Variants in GJD2 observed in about 807,000 individuals in gnomAD.
GJD2 encodes gap junction protein delta 2.
GJD2 carries 12 observed loss-of-function variants against 24.3 expected under a neutral mutation model. The observed-to-expected ratio is 0.49, with a 90% CI of 0.32 to 0.80. The LOEUF is 0.80. Ranked by LOEUF, GJD2 falls within the 30% of genes least tolerant of loss-of-function variation. GJD2 has a pLI of 0.04. For missense variants in GJD2, 268 were observed against 402.4 expected (o/e 0.67, Z 2.86); for synonymous variants, 171 against 155.2 (o/e 1.10, Z -0.76).
rs1239332621 is a variant in GJD2, at chr15:34,752,333, T to C, written c.*145A>G. The C allele has an allele frequency of 2.5e-5, 17 of 693,524 alleles. No homozygotes were observed. Among genetic ancestry groups the C allele is most frequent in the East Asian group, 5.5e-5 (2 of 36,692 alleles). 43.0% of individuals were successfully genotyped at this position (693,524 alleles called of 1,614,324 possible). On this transcript the variant is annotated 3_prime_UTR_variant, in exon 2 of 2. Transcript: ENST00000290374. ...TGGGTCCACTTTTCCTCCTTTCCCA[T>C]TGGTGCAAAATCTTCTTTTATCCAG...
In GJD2 at chr15:34,754,689, T is replaced by G; in HGVS notation, c.-201A>C. ...AAATGGGGAAAGAAATCCAAGCGCGTCCCGACCGATGGGGCAGTTGGCGCG... is the reference window on the plus strand; with the variant it reads ...AAATGGGGAAAGAAATCCAAGCGCGGCCCGACCGATGGGGCAGTTGGCGCG... On this transcript the variant is annotated 5_prime_UTR_variant, in exon 1 of 2. Transcript: ENST00000290374. The surrounding 1 kb of genome is among the most constrained non-coding windows in gnomAD (Gnocchi z 5.9). 38 of 544,708 alleles carry G rather than the reference T, an allele frequency of 7.0e-5. No individual in the cohort carries two copies. The highest frequency in any genetic ancestry group is 1.3e-4 in the East Asian group (4 of 30,628). The allele number at this position is 544,708 out of a possible 1,614,324, so 33.7% of individuals were successfully genotyped here. A position where few individuals can be genotyped will look rare whatever the true frequency, so the allele number is the denominator to read the frequency against.
At position 34,751,280 on chromosome 15, in the gene GJD2, G is replaced by T. The variant is rs1250364168; in HGVS notation, c.*1198C>A. 6.6e-6 allele frequency: 1 copy of T among 152,174 alleles called. No individual in the cohort carries two copies. Among genetic ancestry groups the T allele is most frequent in the African/African-American group, 2.4e-5 (1 of 41,444 alleles). 9.4% of individuals were successfully genotyped at this position (152,174 alleles called of 1,614,324 possible). On this transcript the variant is annotated 3_prime_UTR_variant, in exon 2 of 2. Coordinates refer to ENST00000290374, the MANE Select transcript of GJD2 (RefSeq NM_020660.3). ...AACATATTGACAGTCCAATGCAATA[G>T]GTTTTTGAACCTTTGGTATATGTCT...
rs1249517055 is a variant in GJD2, at chr15:34,752,097, C to G, written c.*381G>C. 4.7e-6 allele frequency: 1 copy of G among 211,790 alleles called. No homozygotes were observed. Among genetic ancestry groups the G allele is most frequent in the African/African-American group, 2.3e-5 (1 of 44,162 alleles). 13.1% of individuals were successfully genotyped at this position (211,790 alleles called of 1,614,324 possible). A position where few individuals can be genotyped will look rare whatever the true frequency, so the allele number is the denominator to read the frequency against. ...GATAAAGGGATGGGTTGAGATAGGT[C>G]ACAAATTTTATATCAATGAAGTACT... On this transcript the variant is annotated 3_prime_UTR_variant, in exon 2 of 2. Transcript: ENST00000290374.
In GJD2 at chr15:34,753,282, C is replaced by G; in HGVS notation, c.162G>C (p.Val54=). The G allele has an allele frequency of 9.3e-6, 15 of 1,614,034 alleles. No homozygotes were observed. Among genetic ancestry groups the G allele is most frequent in the Non-Finnish European group, 1.2e-5 (14 of 1,180,020 alleles). The part of the protein sequence containing the change: ...TVYDDEQTMF[V]CNTLQPGCNQ... ...TACAGCCGGGCTGCAGGGTGTTGCA[C>G]ACAAACATGGTCTGCTCATCATCGT... The change falls in exon 2 of 2, where the codon GTG becomes GTC. Residue 54 remains valine (V), a synonymous_variant. Transcript: ENST00000290374.
chr15:34,754,858 C>A lies in GJD2; in HGVS notation c.-370G>T, dbSNP rs545417175. 391 of 206,244 alleles carry A rather than the reference C, an allele frequency of 1.9e-3. 7 individuals carry two copies. In the Admixed American group the frequency reaches 0.021, roughly 11 times the overall value. The allele number at this position is 206,244 out of a possible 1,614,324, so 12.8% of individuals were successfully genotyped here. A position where few individuals can be genotyped will look rare whatever the true frequency, so the allele number is the denominator to read the frequency against. The stretch of plus-strand genomic sequence containing the variant: ...CCAGGAGAAGTCTCAGCGCCGCTCT[C>A]CGCCGCAGGTTGGGGGCCAGGGGAG... On this transcript the variant is annotated 5_prime_UTR_variant, in exon 1 of 2. Coordinates refer to ENST00000290374, the MANE Select transcript of GJD2 (RefSeq NM_020660.3). This position sits in a 1 kb window ranked among gnomAD's most constrained non-coding sequence, Gnocchi z 5.9.
chr15:34,752,479 C>T lies in GJD2; in HGVS notation c.965G>A (p.Ter322=). The part of the protein sequence containing the change: ...RTQSSDSAYV[*] Reference sequence around the variant, plus strand: ...CAGACCTTCATGAAACCTGCCCTCTCACACATAGGCAGAGTCACTGGACTG... The same window carrying T: ...CAGACCTTCATGAAACCTGCCCTCTTACACATAGGCAGAGTCACTGGACTG... The change falls in exon 2 of 2, where the codon TGA becomes TAA. Residue 322 remains the stop codon, a stop_retained_variant. Transcript: ENST00000290374. 6.2e-7 allele frequency: 1 copy of T among 1,612,026 alleles called. No homozygotes were observed.
In GJD2 at chr15:34,752,564, T is replaced by C; in HGVS notation, c.880A>G (p.Ile294Val). Reference sequence around the variant, plus strand: ...AGGTCCTTGTTACGAATCTCATAGATTGACTTTCTCTTGGCCTGAGCCCCT... The same window carrying C: ...AGGTCCTTGTTACGAATCTCATAGACTGACTTTCTCTTGGCCTGAGCCCCT... ...VRGAQAKRKS[I>V]YEIRNKDLPR... Residue 294 changes from isoleucine (I) to valine (V), a missense_variant, in exon 2 of 2, where the codon ATC becomes GTC. Physicochemically the swap from Ile to Val is conservative, Grantham distance 29 (BLOSUM62 3). This residue lies in a region of GJD2 where 115 missense variants were observed against 195.2 expected (regional missense o/e 0.59). Transcript: ENST00000290374. 8 of 1,614,230 alleles carry C rather than the reference T, an allele frequency of 5.0e-6. No individual in the cohort carries two copies. The highest frequency in any genetic ancestry group is 6.8e-6 in the Non-Finnish European group (8 of 1,180,038).
rs1197884502 is a variant in GJD2 at position 34,753,415 on chromosome 15, C to T, written c.72-43G>A. 12 of 1,532,784 alleles carry T rather than the reference C, an allele frequency of 7.8e-6. 1 individual carries two copies. The highest frequency in any genetic ancestry group is 1.2e-5 in the South Asian group (1 of 82,190). 94.9% of individuals were successfully genotyped at this position (1,532,784 alleles called of 1,614,324 possible). ...GAGGGAGAGAGGTTCTCACGGGCTG[C>T]GTCACTGACAGGAAACCCCTGCTCC... On this transcript the variant is annotated intron_variant, in intron 1 of 1. Transcript: ENST00000290374.
rs1396002453 is a variant in GJD2, at chr15:34,754,195, G to GT, written c.71+222_71+223insA. 1.3e-5 allele frequency among the ~76,000 whole-genome samples: 2 copies of GT among 152,212 alleles called. No homozygotes were observed. Among genetic ancestry groups the GT allele is most frequent in the African/African-American group, 4.8e-5 (2 of 41,454 alleles). ...GAGTGAAGCCCCAGTGGTGCTTGAT[G>GT]GGGAAGGGATGGGCAGCTGGTTAGG... On this transcript the variant is annotated intron_variant, in intron 1 of 1. Transcript: ENST00000290374. This position sits in a 1 kb window ranked among gnomAD's most constrained non-coding sequence, Gnocchi z 5.9.
Position 34,752,415 on chromosome 15 carries a change from T to C in GJD2, c.*63A>G, listed in dbSNP as rs201852436. 86 of 1,370,024 alleles carry C rather than the reference T, an allele frequency of 6.3e-5. No individual in the cohort carries two copies. Among genetic ancestry groups the C allele is most frequent in the Non-Finnish European group, 8.4e-5 (82 of 980,278 alleles). 84.9% of individuals were successfully genotyped at this position (1,370,024 alleles called of 1,614,324 possible). On this transcript the variant is annotated 3_prime_UTR_variant, in exon 2 of 2. Coordinates refer to ENST00000290374, the MANE Select transcript of GJD2 (RefSeq NM_020660.3). ...ATAAATGAGGGTGGATACAGCCACG[T>C]CTGAGCAGTCATCTGCCTTGGGGCT...
intron 1 of GJD2, 97 bp from the exon 2 acceptor site, chr15:34,753,469 C>G: frequency 8.8e-7 from 1 of 1,136,292 alleles, no homozygotes. Context: ...GTTTACCAGT[C>G]TTTTGACTGG....
Position 34,754,481 on chromosome 15 carries a change from T to G in GJD2, c.8A>C (p.Glu3Ala). Residue 3 changes from glutamate to alanine, a missense_variant, in exon 1 of 2, where the codon GAA becomes GCA. Coordinates refer to ENST00000290374, the MANE Select transcript of GJD2 (RefSeq NM_020660.3). This position sits in a 1 kb window ranked among gnomAD's most constrained non-coding sequence, Gnocchi z 5.9. Reference sequence around the variant, plus strand: ...TAGCAGCCTCTCCAAGATGGTCCATTCCCCCATCGCTGTGCATCCGGAGGC... The same window carrying G: ...TAGCAGCCTCTCCAAGATGGTCCATGCCCCCATCGCTGTGCATCCGGAGGC... The part of the protein sequence containing the change: MG[E>A]WTILERLLEA... 1 of 1,613,470 alleles carries G rather than the reference T, an allele frequency of 6.2e-7. No individual in the cohort carries two copies. Among genetic ancestry groups the G allele is most frequent in the Non-Finnish European group, 8.5e-7 (1 of 1,179,596 alleles).
At position 34,752,571 on chromosome 15, in the gene GJD2, T is replaced by C. The variant is rs767065723; in HGVS notation, c.873A>G (p.Arg291=). 3 of 1,614,192 alleles carry C rather than the reference T, an allele frequency of 1.9e-6. No individual in the cohort carries two copies. Among genetic ancestry groups the C allele is most frequent in the Non-Finnish European group, 2.5e-6 (3 of 1,180,022 alleles). Residue 291 remains arginine, a synonymous_variant, in exon 2 of 2, where the codon AGA becomes AGG. Coordinates refer to ENST00000290374, the MANE Select transcript of GJD2 (RefSeq NM_020660.3). ...KLAVRGAQAK[R]KSIYEIRNKD... is the part of the protein sequence containing the mutation. ...TGTTACGAATCTCATAGATTGACTT[T>C]CTCTTGGCCTGAGCCCCTCGCACAG... is the stretch of plus-strand genomic sequence containing the variant.
At chr15:34,753,591 C>G (rs994392026) in intron 1 of GJD2, among the ~76,000 whole-genome samples, 15 of 152,066 alleles carry the variant, frequency 9.9e-5, no homozygotes, top group Non-Finnish European at 1.8e-4. Flanking sequence ...ATAGAGATCC[C>G]AGGTACACAC....
chr15:34,753,856 T>C (rs1891146747), intron 1 of GJD2, among the ~76,000 whole-genome samples: 1 of 76,550 alleles, frequency 1.3e-5, no homozygotes, highest in African/African-American at 4.7e-5. Flanking sequence ...TATATATTCA[T>C]ATATATTGAA....
rs1891106034 is a variant in GJD2, at chr15:34,751,772, G to A, written c.*706C>T. The A allele has an allele frequency of 7.0e-6, 1 of 143,846 alleles. No individual in the cohort carries two copies. Among genetic ancestry groups the A allele is most frequent in the East Asian group, 2.1e-4 (1 of 4,680 alleles). The allele number at this position is 143,846 out of a possible 1,614,324, so 8.9% of individuals were successfully genotyped here. ...CCCATCCCTAGTAAACAGCACCAGT[G>A]CAGTTTGAGTTAGAAAACTGGAAAT... On this transcript the variant is annotated 3_prime_UTR_variant, in exon 2 of 2. Coordinates refer to ENST00000290374, the MANE Select transcript of GJD2 (RefSeq NM_020660.3).
chr15:34,752,680 A>G lies in GJD2; in HGVS notation c.764T>C (p.Val255Ala). The G allele has an allele frequency of 6.2e-7, 1 of 1,614,162 alleles. No homozygotes were observed. Among genetic ancestry groups the G allele is most frequent in the Non-Finnish European group, 8.5e-7 (1 of 1,180,008 alleles). ...SRPTEKTVFLVFMFAVSGICV... is the reference protein window; with the variant it reads ...SRPTEKTVFLAFMFAVSGICV... The stretch of plus-strand genomic sequence containing the variant: ...GATGCCACTTACAGCAAACATGAAC[A>G]CTAGAAAGACAGTCTTCTCAGTTGG... Residue 255 changes from valine (V) to alanine (A), a missense_variant, in exon 2 of 2, where the codon GTG becomes GCG. Val to Ala is a moderately conservative substitution (Grantham distance 64). Transcript: ENST00000290374.
chr15:34,754,540 C>G lies in GJD2; in HGVS notation c.-52G>C. The G allele has an allele frequency of 6.9e-7, 1 of 1,457,200 alleles. No homozygotes were observed. The highest frequency in any genetic ancestry group is 9.6e-7 in the Non-Finnish European group (1 of 1,037,338). The allele number at this position is 1,457,200 out of a possible 1,614,324, so 90.3% of individuals were successfully genotyped here. A position where few individuals can be genotyped will look rare whatever the true frequency, so the allele number is the denominator to read the frequency against. ...AAGACTGGGCAGCACCGGGCACGTTCCCGCTCCTGGCCCCTCCCCGGGCCG... is the reference window on the plus strand; with the variant it reads ...AAGACTGGGCAGCACCGGGCACGTTGCCGCTCCTGGCCCCTCCCCGGGCCG... On this transcript the variant is annotated 5_prime_UTR_variant, in exon 1 of 2. Transcript: ENST00000290374. The surrounding 1 kb of genome is among the most constrained non-coding windows in gnomAD (Gnocchi z 5.9).
In GJD2 at chr15:34,752,829, G is replaced by C. The variant is rs560333666; in HGVS notation, c.615C>G (p.Phe205Leu). ...GGAACCCAATTTCCAGGGCATTTCG[G>C]AACACCACTTGGATAATGTAGAAGC... ...ISRFYIIQVV[F>L]RNALEIGFLV... The change falls in exon 2 of 2, where the codon TTC becomes TTG. Residue 205 changes from phenylalanine (F) to leucine (L), a missense_variant. By Grantham distance (22) the Phe-to-Leu change is conservative. This residue lies in a region of GJD2 where 115 missense variants were observed against 195.2 expected (regional missense o/e 0.59). Transcript: ENST00000290374. The C allele has an allele frequency of 1.9e-5, 31 of 1,614,146 alleles. No homozygotes were observed. The South Asian group carries it at 3.4e-4, about 18-fold the overall frequency.
Sources: gnomAD v4.1 joint callset for allele counts (sites outside exome capture counted in the v4.1 genomes callset) on GRCh38, gnomAD v4.1.1 for gene constraint, gnomAD v4.1.1 regional missense constraint, Gnocchi (gnomAD v3.1) non-coding constraint, MANE v1.5 for transcripts, NCBI Gene and HGNC (gene_info 2026-07-23, HGNC 2026-07-21) for gene names.